INO80: variants seen among roughly 807,000 people sequenced by gnomAD.
INO80 encodes the protein INO80 complex ATPase subunit, also known as chromatin-remodeling ATPase INO80.
A neutral mutation model predicts 203.4 loss-of-function variants in INO80; 20 were observed. That is an observed-to-expected ratio of 0.10 (90% CI 0.07 to 0.14). The LOEUF is 0.14. Ranked by LOEUF, INO80 falls within the 10% of genes least tolerant of loss-of-function variation. INO80 has a pLI of 1.00. For missense variants in INO80, 1,419 were observed against 1,914.4 expected (o/e 0.74, Z 4.83); for synonymous variants, 726 against 685.2 (o/e 1.06, Z -0.93).
chr15:41,034,022 A>G (rs1172951638), intron 24 of INO80, among the ~76,000 whole-genome samples: 1 of 152,176 alleles, frequency 6.6e-6, no homozygotes, highest in Non-Finnish European at 1.5e-5. Context: ...AGATGGTGCC[A>G]CTGCACTCCA....
At chr15:40,987,401 T>C (rs2043752495) in intron 30 of INO80, among the ~76,000 whole-genome samples, 1 of 152,228 alleles carries the variant, frequency 6.6e-6, no homozygotes, top group Non-Finnish European at 1.5e-5. Flanking sequence ...CTTCTTTGCT[T>C]GGAACTGCTA....
chr15:41,053,317 G>A (rs2044918722), intron 19 of INO80, among the ~76,000 whole-genome samples: 1 of 152,110 alleles, frequency 6.6e-6, no homozygotes, highest in South Asian at 2.1e-4. Flanking sequence ...GTGTTAGCCA[G>A]GATGGTCTCG....
rs192834477 is a variant in INO80 at position 41,081,513 on chromosome 15, A to G, written c.874-440T>C. On this transcript the variant is annotated intron_variant, in intron 7 of 35. Transcript: ENST00000648947. ...TAAGTGTGATTCTAGCCCCACCTCCAGCCTAGGCAAACCTGATGTCACTAT... is the reference window on the plus strand; with the variant it reads ...TAAGTGTGATTCTAGCCCCACCTCCGGCCTAGGCAAACCTGATGTCACTAT... Among the ~76,000 whole-genome samples, 409 of 152,336 alleles carry G rather than the reference A, an allele frequency of 2.7e-3. 3 individuals are homozygous for G. The highest frequency in any genetic ancestry group is 0.013 in the South Asian group (62 of 4,826).
intron 19 of INO80, among the ~76,000 whole-genome samples, chr15:41,051,899 A>G (rs1030430223): frequency 2.0e-5 from 3 of 152,064 alleles, no homozygotes; most frequent in Non-Finnish European, 2.9e-5. Context: ...CGGAGGTTGC[A>G]GTGAGCTGAG....
chr15:40,985,188 C>A, intron 32 of INO80, 150 bp downstream of exon 32: 1 of 630,786 alleles, frequency 1.6e-6, no homozygotes, highest in Non-Finnish European at 2.9e-6. Context: ...CTGAGCAAAG[C>A]GTGAGTCAGC....
intron 1 of INO80, among the ~76,000 whole-genome samples, chr15:41,101,611 G>A (rs891046002): frequency 6.7e-6 from 1 of 150,302 alleles, no homozygotes; most frequent in African/African-American, 2.5e-5. Flanking sequence ...GTGCAGTGGC[G>A]AGATCTCTGC....
rs78041234 is a variant in INO80 at position 41,060,880 on chromosome 15, G to A, written c.1783-954C>T. Among the ~76,000 whole-genome samples, 297 of 152,256 alleles carry A rather than the reference G, an allele frequency of 2.0e-3. 1 individual carries two copies. The highest frequency in any genetic ancestry group is 6.6e-3 in the African/African-American group (273 of 41,548). ...GTGAGAGCCCACACTTATCTCTATAGCTTTTCCTATACAATGTCTGGCATA... is the reference window on the plus strand; with the variant it reads ...GTGAGAGCCCACACTTATCTCTATAACTTTTCCTATACAATGTCTGGCATA... On this transcript the variant is annotated intron_variant, in intron 14 of 35. Transcript: ENST00000648947.
intron 25 of INO80, among the ~76,000 whole-genome samples, 164 bp from the exon 26 acceptor site, chr15:41,021,289 T>G (rs1469076219): frequency 6.6e-6 from 1 of 152,200 alleles, no homozygotes; most frequent in Non-Finnish European, 1.5e-5. Context: ...AATGACTTAG[T>G]GAGCTTTTCC....
rs188514476 is a variant in INO80, at chr15:41,078,331, C to T, written c.1131+1370G>A. On this transcript the variant is annotated intron_variant, in intron 9 of 35. Transcript: ENST00000648947. ...AGAAAAATGCATAAGTCAGCATAACCATCAGTTAGCTATCAACATAACTAA... is the reference window on the plus strand; with the variant it reads ...AGAAAAATGCATAAGTCAGCATAACTATCAGTTAGCTATCAACATAACTAA... Among the ~76,000 whole-genome samples the T allele has an allele frequency of 1.8e-4, 27 of 152,238 alleles. No individual in the cohort carries two copies. In the East Asian group the frequency reaches 5.0e-3, roughly 28 times the overall value.
chr15:41,013,383 T>C (rs1356236376), intron 27 of INO80: 7 of 152,226 alleles, frequency 4.6e-5, no homozygotes, highest in Non-Finnish European at 1.0e-4. Flanking sequence ...CACTGCAAGA[T>C]CATGTACCAG....
At chr15:41,104,724 G>C (rs989496705) in intron 1 of INO80, among the ~76,000 whole-genome samples, 2 of 151,868 alleles carry the variant, frequency 1.3e-5, no homozygotes, top group East Asian at 1.9e-4. Flanking sequence ...TATTTTAGTA[G>C]AGACGAGGTT....
chr15:41,089,458 T>C (rs890101622), intron 5 of INO80, among the ~76,000 whole-genome samples: 7 of 152,072 alleles, frequency 4.6e-5, no homozygotes, highest in African/African-American at 1.4e-4. Flanking sequence ...CTTGTAGAAA[T>C]AGTCAGAAGG....
intron 29 of INO80, among the ~76,000 whole-genome samples, chr15:40,993,439 T>C (rs1163868854): frequency 6.6e-6 from 1 of 152,072 alleles, no homozygotes; most frequent in Non-Finnish European, 1.5e-5. Flanking sequence ...CTCTTAAATA[T>C]CATCTACAAC....
chr15:41,019,665 T>G (rs990235341), intron 26 of INO80: 3 of 152,206 alleles, frequency 2.0e-5, no homozygotes, highest in Non-Finnish European at 4.4e-5. Context: ...CCCCACTGAT[T>G]TTCAAACAAT....
chr15:41,058,352 T>A (rs1474325279), intron 16 of INO80, among the ~76,000 whole-genome samples: 1 of 152,134 alleles, frequency 6.6e-6, no homozygotes, highest in Non-Finnish European at 1.5e-5. Context: ...GCAGAGATCA[T>A]GTCACGTCAT....
chr15:41,095,783 A>T lies in INO80; in HGVS notation c.289T>A (p.Ser97Thr). The change falls in exon 3 of 36, where the codon TCT (serine) becomes ACT (threonine). Residue 97 changes from serine (S) to threonine (T), a missense_variant. By Grantham distance (58) the Ser-to-Thr change is moderately conservative (BLOSUM62 1). Around this residue, in one of 9 missense-constraint regions of INO80, gnomAD observed 323 missense variants for 325.4 expected, o/e 0.99. Coordinates refer to ENST00000648947, the MANE Select transcript of INO80 (RefSeq NM_017553.3). ...CCTGACTGTAGAACTCCATTCAGAG[A>T]ATATGTGTTTAACATTCCAGAACTG... ...AGSSGMLNTY[S>T]LNGVLQSESK... 1 of 1,614,156 alleles carries T rather than the reference A, an allele frequency of 6.2e-7. No homozygotes were observed. The highest frequency in any genetic ancestry group is 1.1e-5 in the South Asian group (1 of 91,076).
intron 19 of INO80, among the ~76,000 whole-genome samples, chr15:41,052,857 C>CAA (rs886971015): frequency 0.085 from 7,952 of 93,472 alleles, 899 homozygotes; most frequent in African/African-American, 0.24. Flanking sequence ...CTGGTCGCTA[C>CAA]AAAAAAAAAA....
At chr15:41,114,017 T>C (rs2045992546) in intron 1 of INO80, among the ~76,000 whole-genome samples, 1 of 151,960 alleles carries the variant, frequency 6.6e-6, no homozygotes, top group Admixed American at 6.6e-5. Flanking sequence ...GCCTGTAATC[T>C]CAGCACTTTG....
chr15:40,995,138 GAGCCACCGCGTTC>G (rs1444422974), intron 29 of INO80, among the ~76,000 whole-genome samples: 13 of 152,216 alleles, frequency 8.5e-5, no homozygotes, highest in African/African-American at 2.9e-4. Flanking sequence ...TTACAAGCGT[GAGCCACCGCGTTC>G]AGCCTAGAAA....
Sources: allele counts gnomAD v4.1 joint callset (sites outside exome capture counted in the v4.1 genomes callset), GRCh38; gene constraint gnomAD v4.1.1; regional missense constraint gnomAD v4.1.1; transcripts MANE v1.5; gene names NCBI Gene and HGNC (gene_info 2026-07-23, HGNC 2026-07-21).